The following ERC2 variants were observed in gnomAD, a reference collection of about 807,000 sequenced individuals.
ERC2 encodes the protein ERC protein 2.
Under a neutral mutation model 114.8 loss-of-function variants are expected in ERC2, and 42 were observed. The observed-to-expected ratio is 0.37, with a 90% CI of 0.29 to 0.47. The LOEUF (loss-of-function observed/expected upper bound fraction) is 0.47, where lower values mean the gene tolerates loss of function less well. Among genes scored for constraint, ERC2 ranks in the 20% least tolerant of loss-of-function variants. The pLI is 0.99. For synonymous variants in ERC2, 454 were observed against 425.5 expected, an observed-to-expected ratio of 1.07 and a Z score of -0.82; for missense variants, 939 against 1,150.7, an observed-to-expected ratio of 0.82 and a Z score of 2.66.
chr3:56,133,210 G>A (rs968749973), intron 6 of ERC2, among the ~76,000 whole-genome samples: 2 of 152,164 alleles, frequency 1.3e-5, no homozygotes, highest in Non-Finnish European at 2.9e-5. Context: ...AGCTGAGGCG[G>A]GCAAATTGCT....
intron 2 of ERC2, among the ~76,000 whole-genome samples, chr3:56,336,819 G>C (rs569446964): frequency 1.3e-5 from 2 of 152,108 alleles, no homozygotes; most frequent in Admixed American, 1.3e-4. Context: ...AGGAAGAAAA[G>C]CTCAATGTGG....
intron 12 of ERC2, among the ~76,000 whole-genome samples, chr3:55,962,004 T>C (rs2068418264): frequency 6.6e-6 from 1 of 152,156 alleles, no homozygotes; most frequent in Non-Finnish European, 1.5e-5. Context: ...AGTCCTACTG[T>C]CCTCAGGGTG....
intron 14 of ERC2, among the ~76,000 whole-genome samples, chr3:55,749,261 C>T (rs575996251): frequency 6.6e-6 from 1 of 152,300 alleles, no homozygotes; most frequent in East Asian, 1.9e-4. Flanking sequence ...CCTGCAATAC[C>T]GATCTGTTGA....
intron 17 of ERC2, among the ~76,000 whole-genome samples, chr3:55,529,248 C>G (rs1235951580): frequency 1.3e-5 from 2 of 152,172 alleles, no homozygotes; most frequent in Admixed American, 1.3e-4. Context: ...GAAGGAAACT[C>G]TAGCTAATCC....
chr3:56,022,865 C>A (rs1205532206), intron 7 of ERC2, among the ~76,000 whole-genome samples: 1 of 152,154 alleles, frequency 6.6e-6, no homozygotes, highest in Admixed American at 6.5e-5. Context: ...CTTGAGCTGC[C>A]TTCTGGTCAT....
intron 2 of ERC2, among the ~76,000 whole-genome samples, chr3:56,347,681 C>T (rs2150513497): frequency 6.6e-6 from 1 of 152,232 alleles, no homozygotes; most frequent in Middle Eastern, 3.4e-3. Context: ...GGTACCAGGC[C>T]CTCAACTACC....
chr3:56,300,518 G>T (rs542368540), intron 2 of ERC2, among the ~76,000 whole-genome samples: 1 of 152,142 alleles, frequency 6.6e-6, no homozygotes. Context: ...AGTCATCCCT[G>T]TGAAGAATGA....
rs188513742 is a variant in ERC2, at chr3:55,508,828, T to C, written c.*2488A>G. ...CTGTACATCGAAATCAAATGGGGTA[T>C]AAAGCACAAGCCTGCTTTTGCACAA... On this transcript the variant is annotated 3_prime_UTR_variant, in exon 18 of 18. Transcript: ENST00000288221. 30 of 152,670 alleles carry C rather than the reference T, an allele frequency of 2.0e-4. No individual in the cohort carries two copies. Among genetic ancestry groups the C allele is most frequent in the Admixed American group, 5.2e-4 (8 of 15,280 alleles). The allele number at this position is 152,670 out of a possible 1,614,324, so 9.5% of individuals were successfully genotyped here.
Position 56,441,615 on chromosome 3 carries a change from T to C in ERC2, c.-140-6468A>G, listed in dbSNP as rs566274794. Reference sequence around the variant, plus strand: ...ACTTCCCTAGGATAAATTCTTTTTGTTGTTGTTGAGACAGACTGTTGCTCT... The same window carrying C: ...ACTTCCCTAGGATAAATTCTTTTTGCTGTTGTTGAGACAGACTGTTGCTCT... On this transcript the variant is annotated intron_variant, in intron 1 of 17. Coordinates refer to ENST00000288221, the MANE Select transcript of ERC2 (RefSeq NM_015576.3). Among the ~76,000 whole-genome samples the C allele has an allele frequency of 4.6e-5, 7 of 152,374 alleles. No homozygotes were observed. In the South Asian group the frequency reaches 1.2e-3, roughly 27 times the overall value.
chr3:55,874,092 A>G (rs1258227507), intron 14 of ERC2, among the ~76,000 whole-genome samples: 2 of 152,226 alleles, frequency 1.3e-5, no homozygotes, highest in African/African-American at 4.8e-5. Context: ...GCATTAGAGC[A>G]GTTGCAACAA....
At position 56,373,758 on chromosome 3, in the gene ERC2, TTTAA is replaced by T. The variant is rs573642553; in HGVS notation, c.657+60589_657+60592del. Among the ~76,000 whole-genome samples, 932 of 152,360 alleles carry T rather than the reference TTTAA, an allele frequency of 6.1e-3. 9 individuals carry two copies. Among genetic ancestry groups the T allele is most frequent in the African/African-American group, 0.021 (885 of 41,586 alleles). ...GAATGAGTATGACTACTGTATGAAC[TTTAA>T]TTATTTTTTATTTCCTAAATGTTAT... On this transcript the variant is annotated intron_variant, in intron 2 of 17. Coordinates refer to ENST00000288221, the MANE Select transcript of ERC2 (RefSeq NM_015576.3).
chr3:55,931,338 A>G (rs2066068877), intron 13 of ERC2, among the ~76,000 whole-genome samples: 1 of 152,228 alleles, frequency 6.6e-6, no homozygotes, highest in Admixed American at 6.5e-5. Flanking sequence ...AATAGCAAAG[A>G]CTTGGAACCA....
intron 3 of ERC2, among the ~76,000 whole-genome samples, chr3:56,176,278 G>C (rs1303895414): frequency 2.0e-5 from 3 of 152,200 alleles, no homozygotes; most frequent in South Asian, 2.1e-4. Context: ...TGAGGAGAGA[G>C]GTTAAGCTTG....
intron 17 of ERC2, among the ~76,000 whole-genome samples, chr3:55,604,168 C>T (rs1259560537): frequency 6.6e-6 from 1 of 152,180 alleles, no homozygotes. Context: ...TGCAGAATCT[C>T]TTCTTTCATT....
intron 6 of ERC2, among the ~76,000 whole-genome samples, chr3:56,103,259 A>G (rs2078455436): frequency 1.3e-5 from 2 of 152,306 alleles, no homozygotes; most frequent in South Asian, 2.1e-4. Context: ...GCAGAATTCA[A>G]TTGGCAGGGT....
chr3:55,748,835 A>C (rs2066477477), intron 14 of ERC2, among the ~76,000 whole-genome samples: 1 of 152,218 alleles, frequency 6.6e-6, no homozygotes, highest in Admixed American at 6.5e-5. Flanking sequence ...AGGCCGAATA[A>C]TACGAAGTTC....
At chr3:56,046,352 G>T (rs1407201006) in intron 7 of ERC2, among the ~76,000 whole-genome samples, 1 of 152,174 alleles carries the variant, frequency 6.6e-6, no homozygotes, top group Non-Finnish European at 1.5e-5. Flanking sequence ...GAAGCTGGGG[G>T]TGAGAAGGGT....
chr3:55,598,645 T>C (rs1326681775), intron 17 of ERC2, among the ~76,000 whole-genome samples: 5 of 152,272 alleles, frequency 3.3e-5, no homozygotes, highest in African/African-American at 1.2e-4. Flanking sequence ...ACCACTGTTA[T>C]GGAATGAATC....
At chr3:55,747,046 T>C (rs1302703952) in intron 14 of ERC2, among the ~76,000 whole-genome samples, 1 of 152,202 alleles carries the variant, frequency 6.6e-6, no homozygotes, top group African/African-American at 2.4e-5. Context: ...TTTTTTTCTG[T>C]AGTTACATCT....
Sources: gnomAD v4.1 joint callset for allele counts (sites outside exome capture counted in the v4.1 genomes callset) on GRCh38, gnomAD v4.1.1 for gene constraint, MANE v1.5 for transcripts, NCBI Gene and HGNC (gene_info 2026-07-23, HGNC 2026-07-21) for gene names.